Variants in MMS22L observed in about 807,000 individuals in gnomAD.
MMS22L encodes protein MMS22-like.
MMS22L carries 74 observed loss-of-function variants against 159.1 expected under a neutral mutation model. The observed-to-expected ratio is 0.47, with a 90% CI of 0.39 to 0.56. MMS22L has a LOEUF of 0.56. Among genes scored for constraint, MMS22L ranks in the 20% least tolerant of loss-of-function variants. The pLI is 0.00. For synonymous variants in MMS22L, 517 were observed against 506.9 expected, an observed-to-expected ratio of 1.02 and a Z score of -0.27; for missense variants, 1,351 against 1,422.1, an observed-to-expected ratio of 0.95 and a Z score of 0.80.
Position 97,173,088 on chromosome 6 carries a change from C to T in MMS22L, c.2814G>A (p.Gly938=). 6.2e-7 allele frequency: 1 copy of T among 1,612,832 alleles called. No homozygotes were observed. Among genetic ancestry groups the T allele is most frequent in the Non-Finnish European group, 8.5e-7 (1 of 1,179,558 alleles). ...PYLGKKVFSA[G]LQLTYGMMGI... is the part of the protein sequence containing the mutation. ...CCATCATTCCATAAGTCAGCTGCAG[C>T]CCTGCACTGAAAACTTTTTTTCCCA... The change falls in exon 19 of 25, where the codon GGG becomes GGA. Residue 938 remains glycine, a synonymous_variant. Coordinates refer to ENST00000683635, the MANE Select transcript of MMS22L (RefSeq NM_001350599.2).
At chr6:97,241,423 CGTAA>C (rs1368292283) in intron 11 of MMS22L, among the ~76,000 whole-genome samples, 3 of 152,078 alleles carry the variant, frequency 2.0e-5, no homozygotes, top group East Asian at 3.8e-4. Flanking sequence ...CCACCAGCAA[CGTAA>C]GTGTTTCCTT....
intron 12 of MMS22L, 81 bp downstream of exon 12, chr6:97,233,775 TATTCA>T: frequency 7.2e-7 from 1 of 1,394,378 alleles, no homozygotes; most frequent in South Asian, 1.6e-5. Context: ...AATCCATAAC[TATTCA>T]TAATTAAACC....
intron 22 of MMS22L, among the ~76,000 whole-genome samples, chr6:97,154,901 TTTC>T (rs1461748287): frequency 2.0e-5 from 3 of 152,196 alleles, no homozygotes; most frequent in Admixed American, 6.6e-5. Context: ...GTTTTCCAGC[TTTC>T]TTCTTCTTTT....
intron 14 of MMS22L, among the ~76,000 whole-genome samples, chr6:97,209,485 C>T (rs1210980957): frequency 2.0e-5 from 3 of 151,796 alleles, no homozygotes; most frequent in South Asian, 2.1e-4. Flanking sequence ...ACTCTTCTAC[C>T]TTCACTGACC....
At chr6:97,242,290 G>T (rs1240532589) in intron 11 of MMS22L, among the ~76,000 whole-genome samples, 1 of 152,064 alleles carries the variant, frequency 6.6e-6, no homozygotes, top group Non-Finnish European at 1.5e-5. Flanking sequence ...TGTTAGTTGT[G>T]TATGTTCCCT....
At chr6:97,277,287 CCTG>C (rs1337543043) in intron 4 of MMS22L, among the ~76,000 whole-genome samples, 1 of 152,158 alleles carries the variant, frequency 6.6e-6, no homozygotes, top group Admixed American at 6.5e-5. Flanking sequence ...GTGGTGTGCG[CCTG>C]TAATCCCAGC....
intron 19 of MMS22L, among the ~76,000 whole-genome samples, chr6:97,172,428 A>G (rs1488525301): frequency 6.6e-6 from 1 of 152,158 alleles, no homozygotes; most frequent in Admixed American, 6.6e-5. Context: ...TAAATTCTAT[A>G]TAAAAACTTC....
intron 24 of MMS22L, among the ~76,000 whole-genome samples, chr6:97,147,308 T>C (rs1002701041): frequency 6.9e-4 from 105 of 152,190 alleles, no homozygotes; most frequent in Non-Finnish European, 3.5e-4. Context: ...TCAGTATATA[T>C]CCCATTTTCT....
At chr6:97,250,861 T>G (rs377507904) in intron 10 of MMS22L, among the ~76,000 whole-genome samples, 1 of 152,216 alleles carries the variant, frequency 6.6e-6, no homozygotes, top group African/African-American at 2.4e-5. Context: ...CTAGCCATTA[T>G]TACTTCATAT....
chr6:97,279,216 G>A (rs111902223), intron 3 of MMS22L, among the ~76,000 whole-genome samples: 2 of 152,322 alleles, frequency 1.3e-5, no homozygotes, highest in East Asian at 3.9e-4. Flanking sequence ...GGGTGTGGTG[G>A]CTCTTGCCTG....
At chr6:97,159,948 G>GTT (rs368455553) in intron 22 of MMS22L, among the ~76,000 whole-genome samples, 35,314 of 96,856 alleles carry the variant, frequency 0.36, 5,283 homozygotes, top group South Asian at 0.42. Flanking sequence ...TATCATTTCT[G>GTT]TTTTTTTTTT....
Position 97,241,458 on chromosome 6 carries a change from A to T in MMS22L, c.1182+5170T>A, listed in dbSNP as rs72635805. 1.3e-3 allele frequency among the ~76,000 whole-genome samples: 203 copies of T among 152,014 alleles called. 1 individual carries two copies. The highest frequency in any genetic ancestry group is 4.6e-3 in the African/African-American group (192 of 41,460). ...TCCTTTTCACCAAATCCACACCAAC[A>T]TCTATTTTTTTTTTATTTTTAAATT... On this transcript the variant is annotated intron_variant, in intron 11 of 24. Transcript: ENST00000683635.
At chr6:97,183,685 C>T (rs2018660056) in intron 15 of MMS22L, among the ~76,000 whole-genome samples, 1 of 152,120 alleles carries the variant, frequency 6.6e-6, no homozygotes, top group Non-Finnish European at 1.5e-5. Flanking sequence ...CAAGCTGCTA[C>T]CACATTTACG....
chr6:97,243,246 T>A (rs1473142290), intron 11 of MMS22L, among the ~76,000 whole-genome samples: 1 of 152,158 alleles, frequency 6.6e-6, no homozygotes, highest in Non-Finnish European at 1.5e-5. Flanking sequence ...ATAATCCCAA[T>A]ATTCTTGGAG....
Position 97,263,315 on chromosome 6 carries a change from A to G in MMS22L, c.942+20T>C. 2 of 1,404,172 alleles carry G rather than the reference A, an allele frequency of 1.4e-6. No individual in the cohort carries two copies. Among genetic ancestry groups the G allele is most frequent in the South Asian group, 1.2e-5 (1 of 81,314 alleles). 87.0% of individuals were successfully genotyped at this position (1,404,172 alleles called of 1,614,324 possible). ...ATAAAGGTTAGTAACAATAACCAAC[A>G]CATCAATTTTCCAACTTACTTCCGA... On this transcript the variant is annotated intron_variant, in intron 9 of 24. Transcript: ENST00000683635.
At chr6:97,249,975 A>C (rs1040396166) in intron 10 of MMS22L, among the ~76,000 whole-genome samples, 2 of 152,200 alleles carry the variant, frequency 1.3e-5, no homozygotes, top group African/African-American at 4.8e-5. Flanking sequence ...AAGAATTTCA[A>C]CTATATAAAT....
chr6:97,240,195 A>C (rs1002419676), intron 11 of MMS22L, among the ~76,000 whole-genome samples: 5 of 152,232 alleles, frequency 3.3e-5, no homozygotes, highest in Non-Finnish European at 1.5e-5. Flanking sequence ...GAAATCCAAC[A>C]CATAGTCCTA....
intron 22 of MMS22L, among the ~76,000 whole-genome samples, chr6:97,161,491 C>A (rs531030705): frequency 6.6e-6 from 1 of 152,066 alleles, no homozygotes; most frequent in East Asian, 1.9e-4. Flanking sequence ...CAGGTGTGAG[C>A]CATTATGCCA....
intron 15 of MMS22L, among the ~76,000 whole-genome samples, chr6:97,185,436 G>C (rs1582514708): frequency 1.3e-5 from 2 of 152,080 alleles, no homozygotes; most frequent in East Asian, 3.8e-4. Context: ...TTTATCTTCA[G>C]CATCTAAGAC....
Sources: allele counts gnomAD v4.1 joint callset (sites outside exome capture counted in the v4.1 genomes callset), GRCh38; gene constraint gnomAD v4.1.1; transcripts MANE v1.5; gene names NCBI Gene and HGNC (gene_info 2026-07-23, HGNC 2026-07-21).